NME7: variants seen among roughly 807,000 people sequenced by gnomAD.
NME7 encodes NME/NM23 family member 7.
In NME7, 41 loss-of-function variants were observed where a neutral mutation model predicts 49.1. That is an observed-to-expected ratio of 0.83 (90% CI 0.65 to 1.08). The LOEUF is 1.08. NME7 is among the 50% of genes least tolerant of loss of function. The pLI, the probability that NME7 is intolerant of heterozygous loss-of-function variation, is 0.00. For synonymous variants in NME7, 139 were observed against 150.6 expected, an observed-to-expected ratio of 0.92 and a Z score of 0.56; for missense variants, 423 against 463.4, an observed-to-expected ratio of 0.91 and a Z score of 0.80.
intron 7 of NME7, among the ~76,000 whole-genome samples, chr1:169,238,411 T>A (rs184289928): frequency 2.0e-5 from 3 of 151,738 alleles, no homozygotes; most frequent in Admixed American, 6.6e-5. Context: ...TTGTTTCCTA[T>A]AAAAGTCTAA....
chr1:169,248,666 GATAA>G (rs1648423321), intron 7 of NME7, among the ~76,000 whole-genome samples: 1 of 152,032 alleles, frequency 6.6e-6, no homozygotes, highest in Non-Finnish European at 1.5e-5. Flanking sequence ...TAAGGTAAGG[GATAA>G]GCATCCAGTT....
chr1:169,331,094 T>A (rs988424551), intron 1 of NME7, among the ~76,000 whole-genome samples: 1 of 152,092 alleles, frequency 6.6e-6, no homozygotes, highest in Non-Finnish European at 1.5e-5. Flanking sequence ...AATTCAGCAA[T>A]ACATTAGAAA....
chr1:169,265,714 G>A lies in NME7; in HGVS notation c.754+21589C>T, dbSNP rs759688353. ...GGAGTTGTTTTTTTTTTTAAAGTAA[G>A]ATAAATTGACAGCTAGACAAATAAA... On this transcript the variant is annotated intron_variant, in intron 7 of 11. Transcript: ENST00000367811. 4.0e-5 allele frequency among the ~76,000 whole-genome samples: 5 copies of A among 126,200 alleles called. 1 individual carries two copies. Among genetic ancestry groups the A allele is most frequent in the Middle Eastern group, 3.9e-3 (1 of 254 alleles). 82.8% of individuals were successfully genotyped at this position (126,200 alleles called of 152,430 possible).
rs189626705 is a variant in NME7, at chr1:169,188,692, A to C, written c.991-19138T>G. On this transcript the variant is annotated intron_variant, in intron 10 of 11. Coordinates refer to ENST00000367811, the MANE Select transcript of NME7 (RefSeq NM_013330.5). The stretch of plus-strand genomic sequence containing the variant: ...AAAGAACAGGTATAGAAGATTGCTT[A>C]AGGGAACACAACAAACACATCTTTT... Among the ~76,000 whole-genome samples the C allele has an allele frequency of 1.6e-3, 246 of 152,362 alleles. 2 individuals carry two copies. The highest frequency in any genetic ancestry group is 5.6e-3 in the African/African-American group (231 of 41,600).
At chr1:169,280,221 G>A (rs1649948782) in intron 7 of NME7, among the ~76,000 whole-genome samples, 1 of 152,176 alleles carries the variant, frequency 6.6e-6, no homozygotes, top group African/African-American at 2.4e-5. Context: ...CAGGGATGAG[G>A]AGCATTTTTT....
At chr1:169,360,056 A>C in intron 1 of NME7, among the ~76,000 whole-genome samples, 1 of 152,212 alleles carries the variant, frequency 6.6e-6, no homozygotes, top group East Asian at 1.9e-4. Context: ...TACTTCTGGA[A>C]AGTAAGATAC....
At chr1:169,333,896 C>T (rs1206504962) in intron 1 of NME7, among the ~76,000 whole-genome samples, 1 of 152,156 alleles carries the variant, frequency 6.6e-6, no homozygotes, top group Non-Finnish European at 1.5e-5. Flanking sequence ...AAAACCAACA[C>T]AACCACAACA....
intron 10 of NME7, among the ~76,000 whole-genome samples, chr1:169,219,877 A>G (rs774483405): frequency 3.3e-5 from 5 of 152,168 alleles, no homozygotes; most frequent in Non-Finnish European, 7.3e-5. Context: ...ATAAATATTT[A>G]CTCTAAATCT....
chr1:169,242,603 G>C (rs550796068), intron 7 of NME7, among the ~76,000 whole-genome samples: 1 of 151,546 alleles, frequency 6.6e-6, no homozygotes, highest in Admixed American at 6.6e-5. Flanking sequence ...GAGATAAAAA[G>C]TATACAGACA....
intron 4 of NME7, among the ~76,000 whole-genome samples, chr1:169,307,353 A>G (rs1411677434): frequency 6.6e-6 from 1 of 152,190 alleles, no homozygotes; most frequent in Admixed American, 6.5e-5. Flanking sequence ...GCCAGTGAAA[A>G]TGGTTTGGTA....
chr1:169,242,086 G>A (rs1264425477), intron 7 of NME7, among the ~76,000 whole-genome samples: 1 of 151,570 alleles, frequency 6.6e-6, no homozygotes, highest in Non-Finnish European at 1.5e-5. Context: ...ACTGTATCTG[G>A]CTAAACATAA....
At position 169,274,525 on chromosome 1, in the gene NME7, A is replaced by G. The variant is rs1366378773; in HGVS notation, c.754+12778T>C. On this transcript the variant is annotated intron_variant, in intron 7 of 11. Transcript: ENST00000367811. ...GTTGCCATTGCTTTTGGTGTTTTAG[A>G]CATGAAGTCGTCGCCTATGCCTATG... Among the ~76,000 whole-genome samples the G allele has an allele frequency of 1.5e-5, 2 of 133,692 alleles. 1 individual carries two copies. 87.7% of individuals were successfully genotyped at this position (133,692 alleles called of 152,430 possible). A position where few individuals can be genotyped will look rare whatever the true frequency, so the allele number is the denominator to read the frequency against.
At chr1:169,205,240 C>G (rs1474756820) in intron 10 of NME7, among the ~76,000 whole-genome samples, 6 of 151,978 alleles carry the variant, frequency 3.9e-5, no homozygotes, top group African/African-American at 1.5e-4. Flanking sequence ...AATTGTTTTC[C>G]CATGATCTTA....
rs892104434 is a variant in NME7, at chr1:169,264,598, C to T, written c.754+22705G>A. 3.8e-5 allele frequency among the ~76,000 whole-genome samples: 5 copies of T among 132,936 alleles called. 1 individual carries two copies. The highest frequency in any genetic ancestry group is 1.3e-4 in the African/African-American group (5 of 39,214). The allele number at this position is 132,936 out of a possible 152,430, so 87.2% of individuals were successfully genotyped here. On this transcript the variant is annotated intron_variant, in intron 7 of 11. Transcript: ENST00000367811. ...AATCTATAGGCACCCAATACAGGTGCACCCAGATTCAAAAAACAAGTTCTT... is the reference window on the plus strand; with the variant it reads ...AATCTATAGGCACCCAATACAGGTGTACCCAGATTCAAAAAACAAGTTCTT...
intron 4 of NME7, among the ~76,000 whole-genome samples, chr1:169,307,522 G>A (rs928823391): frequency 2.0e-5 from 3 of 152,162 alleles, no homozygotes; most frequent in Non-Finnish European, 4.4e-5. Context: ...AGGTTTCAAA[G>A]AAACTAGCAA....
intron 6 of NME7, among the ~76,000 whole-genome samples, chr1:169,287,795 T>C (rs1381543171): frequency 2.0e-5 from 3 of 152,092 alleles, no homozygotes; most frequent in African/African-American, 7.2e-5. Context: ...TAAAATAAAA[T>C]TTAAAACTAG....
At chr1:169,157,245 A>G (rs1293366217) in intron 11 of NME7, among the ~76,000 whole-genome samples, 1 of 152,126 alleles carries the variant, frequency 6.6e-6, no homozygotes, top group Non-Finnish European at 1.5e-5. Flanking sequence ...ATATTCCCAC[A>G]TGCATTTACT....
Position 169,269,615 on chromosome 1 carries a change from T to A in NME7, c.754+17688A>T, listed in dbSNP as rs76681931. On this transcript the variant is annotated intron_variant, in intron 7 of 11. Transcript: ENST00000367811. Reference sequence around the variant, plus strand: ...CTCTTGGCTTACACAGCACCAAAGCTACCATTACAGTGGATAGTAAAACTC... The same window carrying A: ...CTCTTGGCTTACACAGCACCAAAGCAACCATTACAGTGGATAGTAAAACTC... Among the ~76,000 whole-genome samples, 8 of 133,100 alleles carry A rather than the reference T, an allele frequency of 6.0e-5. 1 individual carries two copies. The highest frequency in any genetic ancestry group is 2.0e-4 in the African/African-American group (8 of 39,356). 87.3% of individuals were successfully genotyped at this position (133,100 alleles called of 152,430 possible).
chr1:169,191,466 T>C (rs1429082390), intron 10 of NME7, among the ~76,000 whole-genome samples: 1 of 152,206 alleles, frequency 6.6e-6, no homozygotes, highest in Non-Finnish European at 1.5e-5. Flanking sequence ...TCTAAGAGTT[T>C]ACTGGGAAAA....
Sources: allele counts gnomAD v4.1 joint callset (sites outside exome capture counted in the v4.1 genomes callset), GRCh38; gene constraint gnomAD v4.1.1; transcripts MANE v1.5; gene names NCBI Gene and HGNC (gene_info 2026-07-23, HGNC 2026-07-21).